CADPS2: variants seen among roughly 807,000 people sequenced by gnomAD.
The protein encoded by CADPS2 is calcium-dependent secretion activator 2.
Under a neutral mutation model 172.5 loss-of-function variants are expected in CADPS2, and 93 were observed. The observed-to-expected ratio is 0.54, with a 90% CI of 0.46 to 0.64. The LOEUF is 0.64. Among genes scored for constraint, CADPS2 ranks in the 30% least tolerant of loss-of-function variants. The probability of loss-of-function intolerance (pLI) is 0.00; values close to 1 mark genes in which losing one functional copy is unlikely to be tolerated. For missense variants in CADPS2, 1,420 were observed against 1,565.9 expected, an observed-to-expected ratio of 0.91 and a Z score of 1.57; for synonymous variants, 546 against 555.2, an observed-to-expected ratio of 0.98 and a Z score of 0.23.
chr7:122,411,462 C>T (rs2047308118), intron 19 of CADPS2, among the ~76,000 whole-genome samples: 1 of 151,922 alleles, frequency 6.6e-6, no homozygotes, highest in African/African-American at 2.4e-5. Flanking sequence ...TCAGGTAATC[C>T]ACCCGCCTCA....
Position 122,698,806 on chromosome 7 carries a change from C to G in CADPS2, c.454-35237G>C, listed in dbSNP as rs762599656. The G allele has an allele frequency of 2.6e-5, 42 of 1,613,734 alleles. No individual in the cohort carries two copies. The Admixed American group carries it at 6.7e-4, about 26-fold the overall frequency. On this transcript the variant is annotated intron_variant, in intron 2 of 29. Coordinates refer to ENST00000449022, the MANE Select transcript of CADPS2 (RefSeq NM_017954.11). ...AAATGATATGTTCATATAAGCCATC[C>G]AAACAACACTTGCTCTGCAACAGTT...
At chr7:122,365,333 C>T (rs2151185111) in intron 25 of CADPS2, among the ~76,000 whole-genome samples, 1 of 152,268 alleles carries the variant, frequency 6.6e-6, no homozygotes, top group East Asian at 1.9e-4. Context: ...GCGACAGCAC[C>T]TGTGGGATTA....
chr7:122,759,537 G>A (rs1474188939), intron 1 of CADPS2, among the ~76,000 whole-genome samples: 2 of 152,136 alleles, frequency 1.3e-5, no homozygotes, highest in Non-Finnish European at 2.9e-5. Flanking sequence ...GTGTTTCTGA[G>A]TTCTCAGAAA....
intron 8 of CADPS2, among the ~76,000 whole-genome samples, chr7:122,547,195 T>G (rs2063717340): frequency 6.6e-6 from 1 of 152,128 alleles, no homozygotes; most frequent in South Asian, 2.1e-4. Context: ...AACTTCTTCC[T>G]ACAGTTCAAC....
intron 19 of CADPS2, chr7:122,407,897 A>G (rs1171763440): frequency 1.9e-6 from 1 of 534,290 alleles, no homozygotes; most frequent in East Asian, 3.0e-5. Context: ...GGAATGAAAT[A>G]GAAAATAGAA....
At chr7:122,727,067 C>A (rs974069007) in intron 2 of CADPS2, among the ~76,000 whole-genome samples, 7 of 151,924 alleles carry the variant, frequency 4.6e-5, no homozygotes, top group Admixed American at 1.3e-4. Flanking sequence ...GGCATTTTTC[C>A]CTCATGAAAG....
chr7:122,770,272 T>A (rs895679851), intron 1 of CADPS2, among the ~76,000 whole-genome samples: 2 of 152,098 alleles, frequency 1.3e-5, no homozygotes, highest in Non-Finnish European at 2.9e-5. Flanking sequence ...ATCATGCAAA[T>A]CATGAAATCA....
intron 1 of CADPS2, among the ~76,000 whole-genome samples, chr7:122,828,488 C>T (rs983069354): frequency 3.9e-5 from 6 of 151,986 alleles, no homozygotes; most frequent in Admixed American, 2.6e-4. Context: ...TCACTTAGTT[C>T]TCTTTGCCTT....
intron 1 of CADPS2, among the ~76,000 whole-genome samples, chr7:122,864,882 G>C (rs999754779): frequency 1.6e-4 from 25 of 152,082 alleles, no homozygotes; most frequent in African/African-American, 5.8e-4. Flanking sequence ...AGTAAGAAGG[G>C]GGAAGAGACC....
At chr7:122,555,396 T>C (rs1022817860) in intron 7 of CADPS2, among the ~76,000 whole-genome samples, 1 of 152,092 alleles carries the variant, frequency 6.6e-6, no homozygotes, top group African/African-American at 2.4e-5. Flanking sequence ...ACACAAGGTA[T>C]TCTCCCCCTT....
chr7:122,863,104 G>A (rs1817388171), intron 1 of CADPS2, among the ~76,000 whole-genome samples: 1 of 152,130 alleles, frequency 6.6e-6, no homozygotes, highest in African/African-American at 2.4e-5. Flanking sequence ...ATCCTGTATT[G>A]ATAATACAAA....
At chr7:122,799,603 C>CAAAAAA (rs58187843) in intron 1 of CADPS2, among the ~76,000 whole-genome samples, 2 of 48,276 alleles carry the variant, frequency 4.1e-5, no homozygotes, top group East Asian at 6.2e-4. Context: ...GATTCCATCT[C>CAAAAAA]AAAAAAAAAA....
intron 2 of CADPS2, among the ~76,000 whole-genome samples, chr7:122,715,512 A>G (rs538486474): frequency 2.0e-5 from 3 of 152,216 alleles, no homozygotes; most frequent in East Asian, 3.9e-4. Context: ...CTATGCCTTA[A>G]AAACATGAAA....
chr7:122,766,407 A>C (rs1210281991), intron 1 of CADPS2, among the ~76,000 whole-genome samples: 1 of 152,154 alleles, frequency 6.6e-6, no homozygotes, highest in Non-Finnish European at 1.5e-5. Context: ...GCCAGTTGTA[A>C]TTTAGAAATA....
intron 9 of CADPS2, among the ~76,000 whole-genome samples, chr7:122,497,617 T>C (rs903194095): frequency 4.6e-5 from 7 of 152,168 alleles, no homozygotes; most frequent in East Asian, 1.9e-4. Context: ...CATTTAGTAA[T>C]AGAAATTCAT....
At chr7:122,722,789 G>C (rs1288369162) in intron 2 of CADPS2, among the ~76,000 whole-genome samples, 1 of 150,970 alleles carries the variant, frequency 6.6e-6, no homozygotes, top group Non-Finnish European at 1.5e-5. Context: ...ATACTACAAG[G>C]CTACAGTAAC....
intron 1 of CADPS2, among the ~76,000 whole-genome samples, chr7:122,834,854 T>C (rs1807834142): frequency 6.6e-6 from 1 of 152,198 alleles, no homozygotes; most frequent in Admixed American, 6.5e-5. Context: ...ACTCCACCTC[T>C]GGGGGCAGGG....
chr7:122,575,243 A>G (rs1331953853), intron 7 of CADPS2, among the ~76,000 whole-genome samples: 1 of 151,916 alleles, frequency 6.6e-6, no homozygotes, highest in Non-Finnish European at 1.5e-5. Context: ...AGCCCAGTGC[A>G]ATGTATGATC....
chr7:122,376,937 T>A (rs2042438190), intron 25 of CADPS2, among the ~76,000 whole-genome samples: 1 of 152,140 alleles, frequency 6.6e-6, no homozygotes, highest in African/African-American at 2.4e-5. Context: ...TTAATTTGCA[T>A]CATCTTTTTA....
Sources: allele counts gnomAD v4.1 joint callset (sites outside exome capture counted in the v4.1 genomes callset), GRCh38; gene constraint gnomAD v4.1.1; transcripts MANE v1.5; gene names NCBI Gene and HGNC (gene_info 2026-07-23, HGNC 2026-07-21).